EPHA6: variants seen among roughly 807,000 people sequenced by gnomAD.
EPHA6 encodes the protein EPH receptor A6.
A neutral mutation model predicts 112.0 loss-of-function variants in EPHA6; 50 were observed. That is an observed-to-expected ratio of 0.45 (90% CI 0.36 to 0.56). The LOEUF (loss-of-function observed/expected upper bound fraction) is 0.56, where lower values mean the gene tolerates loss of function less well. Ranked by LOEUF, EPHA6 falls within the 20% of genes least tolerant of loss-of-function variation. EPHA6 has a pLI of 0.00. For missense variants in EPHA6, 1,280 were observed against 1,417.4 expected, an observed-to-expected ratio of 0.90 and a Z score of 1.56; for synonymous variants, 529 against 490.7, an observed-to-expected ratio of 1.08 and a Z score of -1.03.
At position 97,646,230 on chromosome 3, in the gene EPHA6, A is replaced by C. The variant is rs301949; in HGVS notation, c.2784+8148A>C. The C allele has an allele frequency of 4.4e-4, 679 of 1,535,100 alleles. 7 individuals are homozygous for C. In the African/African-American group the frequency reaches 7.9e-3, roughly 18 times the overall value. On this transcript the variant is annotated intron_variant, in intron 14 of 17. Coordinates refer to ENST00000389672, the MANE Select transcript of EPHA6 (RefSeq NM_001080448.3). Reference sequence around the variant, plus strand: ...TGGTTATGGTACTGGACTGGTCCTCATGTGGAAGAGAAACAGAAGGGCCAT... The same window carrying C: ...TGGTTATGGTACTGGACTGGTCCTCCTGTGGAAGAGAAACAGAAGGGCCAT...
intron 7 of EPHA6, among the ~76,000 whole-genome samples, chr3:97,472,424 G>T (rs1352742597): frequency 1.3e-5 from 2 of 151,654 alleles, no homozygotes; most frequent in African/African-American, 4.8e-5. Context: ...GATATTAAGA[G>T]TTTGGCTCAT....
chr3:97,027,446 A>G (rs2044680499), intron 3 of EPHA6, among the ~76,000 whole-genome samples: 1 of 152,174 alleles, frequency 6.6e-6, no homozygotes, highest in African/African-American at 2.4e-5. Context: ...TAAAATGTTA[A>G]AAAAAGAGTA....
At chr3:97,202,526 G>T (rs1018597054) in intron 3 of EPHA6, among the ~76,000 whole-genome samples, 1 of 151,916 alleles carries the variant, frequency 6.6e-6, no homozygotes, top group South Asian at 2.1e-4. Context: ...TGGAGACAGG[G>T]TTTTGCCATG....
At chr3:97,481,517 G>GCCTGCACTTAGCCCCGC in intron 9 of EPHA6, 1 of 964,388 alleles carries the variant, frequency 1.0e-6, no homozygotes, top group Non-Finnish European at 1.6e-6. Context: ...TCCGGCGCGG[G>GCCTGCACTTAGCCCCGC]GCTAAGTGCA....
At chr3:97,476,856 T>G (rs2091383053) in intron 8 of EPHA6, among the ~76,000 whole-genome samples, 1 of 152,104 alleles carries the variant, frequency 6.6e-6, no homozygotes, top group Non-Finnish European at 1.5e-5. Context: ...GTTTTTCATG[T>G]ATATAAACAG....
intron 14 of EPHA6, among the ~76,000 whole-genome samples, chr3:97,638,889 G>T (rs1259383714): frequency 2.0e-5 from 3 of 151,976 alleles, no homozygotes; most frequent in African/African-American, 7.2e-5. Flanking sequence ...CTACTCAAAA[G>T]ATTTTTATTA....
chr3:97,319,979 A>G (rs572309007), intron 5 of EPHA6, among the ~76,000 whole-genome samples: 8 of 151,988 alleles, frequency 5.3e-5, no homozygotes, highest in Non-Finnish European at 1.2e-4. Flanking sequence ...ATTTCACAAA[A>G]TCTCACTTTA....
intron 3 of EPHA6, among the ~76,000 whole-genome samples, chr3:97,053,836 G>A (rs2045764563): frequency 6.6e-6 from 1 of 152,004 alleles, no homozygotes; most frequent in Admixed American, 6.6e-5. Context: ...TTAACCTTCA[G>A]AGTACCTCAT....
At chr3:97,273,864 C>T (rs2108646768) in intron 5 of EPHA6, among the ~76,000 whole-genome samples, 1 of 152,158 alleles carries the variant, frequency 6.6e-6, no homozygotes, top group East Asian at 1.9e-4. Context: ...TCTACCCATC[C>T]AGTGAAATTG....
chr3:97,740,602 T>C (rs1487502852), intron 16 of EPHA6, among the ~76,000 whole-genome samples: 1 of 152,160 alleles, frequency 6.6e-6, no homozygotes, highest in Non-Finnish European at 1.5e-5. Context: ...TAGTTTCCAG[T>C]AATATGTGAA....
At chr3:97,150,844 T>C (rs1049849037) in intron 3 of EPHA6, among the ~76,000 whole-genome samples, 6 of 152,154 alleles carry the variant, frequency 3.9e-5, no homozygotes, top group African/African-American at 9.6e-5. Flanking sequence ...TATGCCACTG[T>C]CTGGTTATTC....
chr3:96,989,990 T>A (rs186856715), intron 3 of EPHA6, among the ~76,000 whole-genome samples: 23 of 152,206 alleles, frequency 1.5e-4, no homozygotes, highest in Admixed American at 1.0e-3. Context: ...TTACACAGAG[T>A]AACCATGTAG....
intron 2 of EPHA6, among the ~76,000 whole-genome samples, chr3:96,926,923 G>T (rs181007447): frequency 5.3e-5 from 8 of 152,174 alleles, no homozygotes; most frequent in African/African-American, 1.7e-4. Flanking sequence ...ACTAGGCAGT[G>T]CCCCAGTAGG....
chr3:97,236,171 A>C (rs1337228438), intron 4 of EPHA6, among the ~76,000 whole-genome samples: 1 of 151,942 alleles, frequency 6.6e-6, no homozygotes, highest in Non-Finnish European at 1.5e-5. Flanking sequence ...AGATCCTGCT[A>C]TCTGCCAAGA....
At chr3:97,063,071 G>A (rs2046071908) in intron 3 of EPHA6, among the ~76,000 whole-genome samples, 1 of 152,088 alleles carries the variant, frequency 6.6e-6, no homozygotes, top group Non-Finnish European at 1.5e-5. Flanking sequence ...CGAAGTTGTG[G>A]AGAAAAAGGA....
intron 14 of EPHA6, among the ~76,000 whole-genome samples, chr3:97,716,601 A>AAAAAAAAC (rs2034248516): frequency 6.0e-5 from 9 of 150,930 alleles, no homozygotes; most frequent in Middle Eastern, 3.2e-3. Flanking sequence ...AAAAAAAAGA[A>AAAAAAAAC]AAGACCCAGG....
chr3:97,744,776 T>G (rs1449518719), intron 16 of EPHA6, among the ~76,000 whole-genome samples: 1 of 151,990 alleles, frequency 6.6e-6, no homozygotes, highest in Non-Finnish European at 1.5e-5. Flanking sequence ...TCAAGAGTGA[T>G]TCCAGTGTTA....
intron 15 of EPHA6, among the ~76,000 whole-genome samples, chr3:97,734,145 A>G (rs1427712301): frequency 6.6e-6 from 1 of 152,110 alleles, no homozygotes; most frequent in Non-Finnish European, 1.5e-5. Flanking sequence ...TGCATAGCAC[A>G]TGGTAGATAA....
At chr3:97,284,850 A>G (rs2080412379) in intron 5 of EPHA6, among the ~76,000 whole-genome samples, 1 of 152,332 alleles carries the variant, frequency 6.6e-6, no homozygotes, top group South Asian at 2.1e-4. Context: ...AAATATTTAC[A>G]TAGATCTATC....
Sources: gnomAD v4.1 joint callset for allele counts (sites outside exome capture counted in the v4.1 genomes callset) on GRCh38, gnomAD v4.1.1 for gene constraint, MANE v1.5 for transcripts, NCBI Gene and HGNC (gene_info 2026-07-23, HGNC 2026-07-21) for gene names.